The following UQCRH variants were observed in gnomAD, a reference collection of about 807,000 sequenced individuals.
UQCRH encodes the protein cytochrome b-c1 complex subunit 6, mitochondrial.
In UQCRH, 14 loss-of-function variants were observed where a neutral mutation model predicts 16.3. The ratio of observed to expected loss-of-function variants is 0.86; its 90% CI spans 0.57 to 1.34. The LOEUF (loss-of-function observed/expected upper bound fraction) is 1.34, where lower values mean the gene tolerates loss of function less well. UQCRH is among the 40% of genes most tolerant of loss of function. The probability of loss-of-function intolerance (pLI) is 0.00; values close to 1 mark genes in which losing one functional copy is unlikely to be tolerated. For missense variants in UQCRH, 89 were observed against 111.9 expected, an observed-to-expected ratio of 0.80 and a Z score of 0.92; for synonymous variants, 41 against 41.9, an observed-to-expected ratio of 0.98 and a Z score of 0.08.
At position 46,303,710 on chromosome 1, in the gene UQCRH, G is replaced by C. The variant is rs1287934669; in HGVS notation, c.-57G>C. 1 of 1,613,224 alleles carries C rather than the reference G, an allele frequency of 6.2e-7. No individual in the cohort carries two copies. Among genetic ancestry groups the C allele is most frequent in the Non-Finnish European group, 8.5e-7 (1 of 1,179,566 alleles). On this transcript the variant is annotated 5_prime_UTR_variant, in exon 1 of 4. Transcript: ENST00000311672. ...ACCCTTACAAGTCCTTCTTGATCCT[G>C]AACTGGGTTAGGTGCCGCTGTTGCT...
intron 3 of UQCRH, among the ~76,000 whole-genome samples, chr1:46,314,927 T>C (rs1310315082): frequency 6.6e-6 from 1 of 152,196 alleles, no homozygotes; most frequent in Non-Finnish European, 1.5e-5. Context: ...GGTCCCAAGA[T>C]TGGACGTTCT....
At chr1:46,308,978 C>A in intron 1 of UQCRH, 123 bp from the exon 2 acceptor site, 1 of 1,199,478 alleles carries the variant, frequency 8.3e-7, no homozygotes, top group Non-Finnish European at 1.2e-6. Flanking sequence ...CATCATAAAA[C>A]ACAGAAAACA....
rs148934256 is a variant in UQCRH at position 46,310,262 on chromosome 1, A to T, written c.189A>T (p.Thr63=). The T allele has an allele frequency of 2.0e-4, 325 of 1,614,108 alleles. No individual in the cohort carries two copies. The highest frequency in any genetic ancestry group is 2.6e-4 in the Non-Finnish European group (302 of 1,180,054). ...CDERVSSRSH[T]EEDCTEELFD... is the part of the protein sequence containing the mutation. Reference sequence around the variant, plus strand: ...AGCGTGTATCCTCTCGATCACATACAGAAGAGGATTGCACGGAGGAGCTCT... The same window carrying T: ...AGCGTGTATCCTCTCGATCACATACTGAAGAGGATTGCACGGAGGAGCTCT... The change falls in exon 3 of 4, where the codon ACA becomes ACT. Residue 63 remains threonine (T), a synonymous_variant. Coordinates refer to ENST00000311672, the MANE Select transcript of UQCRH (RefSeq NM_006004.4).
chr1:46,310,459 G>T lies in UQCRH; in HGVS notation c.243+143G>T, dbSNP rs1661449086. 5 of 1,238,896 alleles carry T rather than the reference G, an allele frequency of 4.0e-6. No individual in the cohort carries two copies. In the South Asian group the frequency reaches 4.4e-5, roughly 11 times the overall value. The allele number at this position is 1,238,896 out of a possible 1,614,324, so 76.7% of individuals were successfully genotyped here. A position where few individuals can be genotyped will look rare whatever the true frequency, so the allele number is the denominator to read the frequency against. Reference sequence around the variant, plus strand: ...ACATATGGTGCGCTGAGCATTTTATGTAAATAACCTATTCTATTTTATTGA... The same window carrying T: ...ACATATGGTGCGCTGAGCATTTTATTTAAATAACCTATTCTATTTTATTGA... On this transcript the variant is annotated intron_variant, in intron 3 of 3. Transcript: ENST00000311672.
At chr1:46,304,312 G>A (rs1661319042) in intron 1 of UQCRH, among the ~76,000 whole-genome samples, 1 of 152,172 alleles carries the variant, frequency 6.6e-6, no homozygotes, top group South Asian at 2.1e-4. Flanking sequence ...GGAAGAGGGA[G>A]CTCTTTCCCA....
intron 1 of UQCRH, among the ~76,000 whole-genome samples, chr1:46,306,052 A>G (rs1377434133): frequency 6.6e-6 from 1 of 152,096 alleles, no homozygotes; most frequent in African/African-American, 2.4e-5. Context: ...TCGGCCTCCC[A>G]AAGTGCTGGG....
At position 46,311,085 on chromosome 1, in the gene UQCRH, A is replaced by AT. The variant is rs1213186902; in HGVS notation, c.243+769_243+770insT. Among the ~76,000 whole-genome samples the AT allele has an allele frequency of 2.2e-3, 330 of 151,030 alleles. 1 individual carries two copies. The highest frequency in any genetic ancestry group is 4.6e-3 in the South Asian group (22 of 4,800). The stretch of plus-strand genomic sequence containing the variant: ...GCGAGACTCCATCTCAAAAAAAAAA[A>AT]AAAATAATAATAATAATAATCTTGC... On this transcript the variant is annotated intron_variant, in intron 3 of 3. Coordinates refer to ENST00000311672, the MANE Select transcript of UQCRH (RefSeq NM_006004.4).
intron 1 of UQCRH, 123 bp from the exon 2 acceptor site, chr1:46,308,978 C>G: frequency 8.3e-7 from 1 of 1,199,480 alleles, no homozygotes. Context: ...CATCATAAAA[C>G]ACAGAAAACA....
chr1:46,312,817 A>G (rs1661505087), intron 3 of UQCRH, among the ~76,000 whole-genome samples: 1 of 152,120 alleles, frequency 6.6e-6, no homozygotes, highest in Admixed American at 6.6e-5. Context: ...GGTTGCTTCT[A>G]TTAAAACTAA....
rs1363542929 is a variant in UQCRH, at chr1:46,310,132, T to G, written c.82-23T>G. The G allele has an allele frequency of 1.9e-6, 3 of 1,613,908 alleles. No homozygotes were observed. The South Asian group carries it at 3.3e-5, about 18-fold the overall frequency. ...GTCTCTGCTAAAAATGCCCATTTTG[T>G]TTTTTTTCTGTTTCTACATCAGGAT... On this transcript the variant is annotated intron_variant, in intron 2 of 3. Transcript: ENST00000311672.
At chr1:46,313,851 A>C (rs985346699) in intron 3 of UQCRH, among the ~76,000 whole-genome samples, 1 of 151,962 alleles carries the variant, frequency 6.6e-6, no homozygotes, top group Non-Finnish European at 1.5e-5. Context: ...AAAAAAAAAA[A>C]AACAAGTTCT....
At chr1:46,310,054 A>T (rs1661439021) in intron 2 of UQCRH, 101 bp from the exon 3 acceptor site, 1 of 1,566,174 alleles carries the variant, frequency 6.4e-7, no homozygotes, top group South Asian at 1.2e-5. Context: ...GGTAATTCAG[A>T]GGCAGCACCT....
intron 3 of UQCRH, among the ~76,000 whole-genome samples, chr1:46,314,735 G>C (rs1269669449): frequency 7.3e-5 from 11 of 151,718 alleles, no homozygotes; most frequent in African/African-American, 2.7e-4. Flanking sequence ...GAACCTTGGA[G>C]ACATTAAACT....
intron 3 of UQCRH, among the ~76,000 whole-genome samples, chr1:46,313,364 C>T (rs1334676512): frequency 1.3e-5 from 2 of 151,924 alleles, no homozygotes; most frequent in Admixed American, 1.3e-4. Flanking sequence ...CGCGGTGGCT[C>T]ACGCCTGTAA....
At chr1:46,306,929 A>C (rs1661387210) in intron 1 of UQCRH, among the ~76,000 whole-genome samples, 1 of 152,166 alleles carries the variant, frequency 6.6e-6, no homozygotes, top group Non-Finnish European at 1.5e-5. Flanking sequence ...CTTGTCACCC[A>C]GACTGGGGTG....
intron 3 of UQCRH, among the ~76,000 whole-genome samples, chr1:46,314,764 A>G (rs970710368): frequency 6.6e-6 from 1 of 152,208 alleles, no homozygotes; most frequent in African/African-American, 2.4e-5. Context: ...AGGAAGACAA[A>G]CATTGTATTG....
In UQCRH at chr1:46,306,838, A is replaced by C. The variant is rs188175738; in HGVS notation, c.55-2263A>C. Among the ~76,000 whole-genome samples the C allele has an allele frequency of 2.0e-5, 3 of 152,314 alleles. No individual in the cohort carries two copies. In the East Asian group the frequency reaches 5.8e-4, roughly 29 times the overall value. On this transcript the variant is annotated intron_variant, in intron 1 of 3. Transcript: ENST00000311672. ...TTCCTACCCCTCACTCCCAGCTTGT[A>C]TGAGCTTTGGTGGCTTCACTGAATG...
intron 1 of UQCRH, among the ~76,000 whole-genome samples, chr1:46,308,443 G>A (rs777789936): frequency 5.5e-4 from 84 of 152,242 alleles, no homozygotes; most frequent in Non-Finnish European, 7.5e-4. Flanking sequence ...GAATAATTTC[G>A]TTGGGCTCTA....
rs1048435197 is a variant in UQCRH at position 46,309,003 on chromosome 1, A to G, written c.55-98A>G. 8.2e-6 allele frequency: 11 copies of G among 1,340,190 alleles called. No homozygotes were observed. The African/African-American group carries it at 1.3e-4, about 16-fold the overall frequency. The allele number at this position is 1,340,190 out of a possible 1,614,324, so 83.0% of individuals were successfully genotyped here. A position where few individuals can be genotyped will look rare whatever the true frequency, so the allele number is the denominator to read the frequency against. On this transcript the variant is annotated intron_variant, in intron 1 of 3. Transcript: ENST00000311672. ...CACAGAAAACAAAATAACATCGTTAATAGTGTCAGTGTCTATCGTCAGTAA... is the reference window on the plus strand; with the variant it reads ...CACAGAAAACAAAATAACATCGTTAGTAGTGTCAGTGTCTATCGTCAGTAA...
Sources: gnomAD v4.1 joint callset for allele counts (sites outside exome capture counted in the v4.1 genomes callset) on GRCh38, gnomAD v4.1.1 for gene constraint, MANE v1.5 for transcripts, NCBI Gene and HGNC (gene_info 2026-07-23, HGNC 2026-07-21) for gene names.